DNAH9: variants seen among roughly 807,000 people sequenced by gnomAD.
DNAH9 encodes dynein axonemal heavy chain 9.
In DNAH9, 345 loss-of-function variants were observed where a neutral mutation model predicts 471.6. The observed-to-expected ratio is 0.73, with a 90% CI of 0.67 to 0.80. The LOEUF is 0.80. Ranked by LOEUF, DNAH9 falls within the 30% of genes least tolerant of loss-of-function variation. The probability of loss-of-function intolerance (pLI) is 0.00; values close to 1 mark genes in which losing one functional copy is unlikely to be tolerated. For missense variants in DNAH9, 5,407 were observed against 5,609.2 expected, an observed-to-expected ratio of 0.96 and a Z score of 1.15; for synonymous variants, 2,093 against 2,123.6, an observed-to-expected ratio of 0.99 and a Z score of 0.40.
chr17:11,605,432 G>A lies in DNAH9; in HGVS notation c.418-2697G>A, dbSNP rs2072481008. Among the ~76,000 whole-genome samples, 3 of 152,098 alleles carry A rather than the reference G, an allele frequency of 2.0e-5. No individual in the cohort carries two copies. In the South Asian group the frequency reaches 6.2e-4, roughly 32 times the overall value. ...AGAAAAGTACCAGCACATAATAGATGCTCAGTAAATACTCATTGAATAAAT... is the reference window on the plus strand; with the variant it reads ...AGAAAAGTACCAGCACATAATAGATACTCAGTAAATACTCATTGAATAAAT... On this transcript the variant is annotated intron_variant, in intron 1 of 68. Coordinates refer to ENST00000262442, the MANE Select transcript of DNAH9 (RefSeq NM_001372.4).
At chr17:11,870,790 A>G (rs1972234012) in intron 51 of DNAH9, among the ~76,000 whole-genome samples, 1 of 152,086 alleles carries the variant, frequency 6.6e-6, no homozygotes, top group Non-Finnish European at 1.5e-5. Flanking sequence ...CTGCTCTAGG[A>G]GTCAGGATGT....
chr17:11,752,448 A>G (rs1332187978), intron 32 of DNAH9, among the ~76,000 whole-genome samples: 1 of 152,160 alleles, frequency 6.6e-6, no homozygotes. Flanking sequence ...TTTGCAAAGC[A>G]AGATATAAAA....
chr17:11,964,374 T>G (rs1354887485), intron 68 of DNAH9, among the ~76,000 whole-genome samples: 1 of 152,212 alleles, frequency 6.6e-6, no homozygotes, highest in Non-Finnish European at 1.5e-5. Context: ...TCAGTGACAC[T>G]GGAAGTGGGG....
At chr17:11,868,495 T>A (rs149218086) in intron 50 of DNAH9, among the ~76,000 whole-genome samples, 86 of 152,248 alleles carry the variant, frequency 5.6e-4, no homozygotes, top group Admixed American at 1.9e-3. Context: ...TATGTCTTTT[T>A]TATGTTCCTA....
chr17:11,753,011 A>C, intron 33 of DNAH9, 51 bp downstream of exon 33: 1 of 1,455,572 alleles, frequency 6.9e-7, no homozygotes, highest in Non-Finnish European at 9.2e-7. Context: ...CTGTGAAACC[A>C]GTCACCCAGT....
Position 11,756,681 on chromosome 17 carries a change from G to C in DNAH9, c.6847+5G>C. On this transcript the variant is annotated splice_donor_5th_base_variant and intron_variant, in intron 34 of 68. Transcript: ENST00000262442. Reference sequence around the variant, plus strand: ...CAGCAACTGTCTCTAGAGCAGGTACGGCCCAAGAAGGGAAGAACCACAAAG... The same window carrying C: ...CAGCAACTGTCTCTAGAGCAGGTACCGCCCAAGAAGGGAAGAACCACAAAG... 1.3e-6 allele frequency: 2 copies of C among 1,570,436 alleles called. No individual in the cohort carries two copies. Among genetic ancestry groups the C allele is most frequent in the Non-Finnish European group, 1.8e-6 (2 of 1,140,184 alleles).
Position 11,807,768 on chromosome 17 carries a change from A to T in DNAH9, c.8457A>T (p.Gly2819=). The stretch of plus-strand genomic sequence containing the variant: ...ATCGCATCTTGGAGTCCCCGCGGGG[A>T]AATGCTCTGCTGGTTGGTGTAGGTG... The part of the protein sequence containing the change: ...HINRILESPR[G]NALLVGVGGS... The change falls in exon 44 of 69, where the codon GGA becomes GGT. Residue 2819 remains glycine, a synonymous_variant. Transcript: ENST00000262442. 6.2e-7 allele frequency: 1 copy of T among 1,613,004 alleles called. No homozygotes were observed. The highest frequency in any genetic ancestry group is 8.5e-7 in the Non-Finnish European group (1 of 1,179,180).
intron 30 of DNAH9, among the ~76,000 whole-genome samples, chr17:11,743,230 C>A (rs146604507): frequency 1.9e-3 from 282 of 152,234 alleles, no homozygotes; most frequent in Middle Eastern, 0.01. Flanking sequence ...TGGGAGTTAC[C>A]CTGGACCATT....
chr17:11,948,698 G>T (rs1975240849), intron 67 of DNAH9, among the ~76,000 whole-genome samples: 1 of 152,204 alleles, frequency 6.6e-6, no homozygotes. Context: ...AAAGGCTGCT[G>T]CCAACCCAGC....
chr17:11,859,160 C>T (rs190354979), intron 50 of DNAH9, among the ~76,000 whole-genome samples: 1 of 150,432 alleles, frequency 6.6e-6, no homozygotes, highest in East Asian at 2.0e-4. Context: ...CACCTGTAAT[C>T]CCAACATTTT....
intron 15 of DNAH9, among the ~76,000 whole-genome samples, chr17:11,665,887 A>G (rs11655624): frequency 0.34 from 51,219 of 152,118 alleles, 8,846 homozygotes; most frequent in Middle Eastern, 0.41. Flanking sequence ...AAGAGACTAC[A>G]TGCAGACACC....
At chr17:11,653,370 A>G (rs1488228880) in intron 14 of DNAH9, among the ~76,000 whole-genome samples, 3 of 152,194 alleles carry the variant, frequency 2.0e-5, no homozygotes, top group African/African-American at 7.2e-5. Flanking sequence ...GTCCTCCAGC[A>G]TCATCCTTAT....
intron 28 of DNAH9, among the ~76,000 whole-genome samples, chr17:11,733,726 T>G (rs1413443467): frequency 6.6e-6 from 1 of 151,222 alleles, no homozygotes; most frequent in East Asian, 2.0e-4. Context: ...GGCATGGTGG[T>G]GGGAGCCTGT....
At position 11,679,949 on chromosome 17, in the gene DNAH9, A is replaced by G. The variant is rs1323732057; in HGVS notation, c.3546A>G (p.Glu1182=). The change falls in exon 18 of 69, where the codon GAA becomes GAG. Residue 1182 remains glutamate (E), a synonymous_variant. Transcript: ENST00000262442. The part of the protein sequence containing the change: ...TIELLKTYEQ[E]LPETVFKQLE... ...AATTGCTGAAGACCTATGAACAAGA[A>G]TTGCCAGAAACAGTGTTTAAGCAGC... 6.2e-7 allele frequency: 1 copy of G among 1,613,984 alleles called. No individual in the cohort carries two copies. Among genetic ancestry groups the G allele is most frequent in the African/African-American group, 1.3e-5 (1 of 74,930 alleles).
At chr17:11,951,113 G>A (rs1162886378) in intron 67 of DNAH9, among the ~76,000 whole-genome samples, 2 of 152,164 alleles carry the variant, frequency 1.3e-5, no homozygotes, top group Non-Finnish European at 2.9e-5. Context: ...ATTTTGTATA[G>A]AAGCAAATTC....
chr17:11,688,402 C>A (rs997020113), intron 19 of DNAH9, among the ~76,000 whole-genome samples: 2 of 152,116 alleles, frequency 1.3e-5, no homozygotes, highest in Non-Finnish European at 2.9e-5. Flanking sequence ...TCAGGGACAG[C>A]TTGGAGAGGA....
rs1220688983 is a variant in DNAH9 at position 11,793,731 on chromosome 17, C to CG, written c.8223+67_8223+68insG. 25 of 1,224,262 alleles carry CG rather than the reference C, an allele frequency of 2.0e-5. No homozygotes were observed. The African/African-American group carries it at 6.8e-4, about 33-fold the overall frequency. 75.8% of individuals were successfully genotyped at this position (1,224,262 alleles called of 1,614,324 possible). ...AAAAGATAATTATACAGATGATCAC[C>CG]CAATGATAAAATCTAGCTGTTTAAT... is the stretch of plus-strand genomic sequence containing the variant. On this transcript the variant is annotated intron_variant, in intron 42 of 68. Coordinates refer to ENST00000262442, the MANE Select transcript of DNAH9 (RefSeq NM_001372.4).
At chr17:11,657,464 A>T (rs1251697206) in intron 14 of DNAH9, among the ~76,000 whole-genome samples, 1 of 152,054 alleles carries the variant, frequency 6.6e-6, no homozygotes, top group East Asian at 1.9e-4. Context: ...CTTTTGACAG[A>T]TATGTGTGTT....
At chr17:11,688,618 A>C (rs2074280241) in intron 19 of DNAH9, among the ~76,000 whole-genome samples, 1 of 152,180 alleles carries the variant, frequency 6.6e-6, no homozygotes, top group African/African-American at 2.4e-5. Flanking sequence ...TCACCTGTGG[A>C]GTGCATCTGG....
Sources: allele counts gnomAD v4.1 joint callset (sites outside exome capture counted in the v4.1 genomes callset), GRCh38; gene constraint gnomAD v4.1.1; transcripts MANE v1.5; gene names NCBI Gene and HGNC (gene_info 2026-07-23, HGNC 2026-07-21).